B4GALT1: variants seen among roughly 807,000 people sequenced by gnomAD.
The protein encoded by B4GALT1 is beta-1,4-galactosyltransferase 1, also known as N-acetyllactosamine synthase.
Under a neutral mutation model 34.9 loss-of-function variants are expected in B4GALT1, and 16 were observed. The observed-to-expected ratio is 0.46, with a 90% CI of 0.31 to 0.70. The LOEUF (loss-of-function observed/expected upper bound fraction) is 0.70. Among genes scored for constraint, B4GALT1 ranks in the 30% least tolerant of loss-of-function variants. The pLI is 0.05. For synonymous variants in B4GALT1, 221 were observed against 218.1 expected, an observed-to-expected ratio of 1.01 and a Z score of -0.12; for missense variants, 445 against 530.5, an observed-to-expected ratio of 0.84 and a Z score of 1.58.
chr9:33,113,673 T>C, intron 5 of B4GALT1, 87 bp from the exon 6 acceptor site: 1 of 1,609,060 alleles, frequency 6.2e-7, no homozygotes, highest in Non-Finnish European at 8.5e-7. Flanking sequence ...CCCTCTCCAC[T>C]GTAACCTGAC....
At chr9:33,181,295 G>A in the B4GALT1 span, among the ~76,000 whole-genome samples, 18 of 152,132 alleles carry the variant, frequency 1.2e-4, no homozygotes, top group Middle Eastern at 0.01. Flanking sequence ...GTGGTGGTAT[G>A]TGTCTGTAGT....
chr9:33,113,741 G>C (rs1266591179), intron 5 of B4GALT1, 33 bp downstream of exon 5: 4 of 1,612,492 alleles, frequency 2.5e-6, no homozygotes, highest in East Asian at 2.2e-5. Flanking sequence ...TCATCCTAAA[G>C]GGGGAAGGAG....
intron 3 of B4GALT1, among the ~76,000 whole-genome samples, chr9:33,116,665 G>A (rs1839944532): frequency 6.6e-6 from 1 of 151,838 alleles, no homozygotes; most frequent in African/African-American, 2.4e-5. Context: ...TGGGACTACA[G>A]GCGTGTGCCA....
intron 3 of B4GALT1, among the ~76,000 whole-genome samples, chr9:33,118,984 C>T (rs1254776518): frequency 6.6e-6 from 1 of 152,118 alleles, no homozygotes; most frequent in Non-Finnish European, 1.5e-5. Context: ...GCCTCAGCTT[C>T]CCGAGTAGCT....
At chr9:33,162,647 C>T (rs1840690702) in intron 1 of B4GALT1, among the ~76,000 whole-genome samples, 1 of 152,220 alleles carries the variant, frequency 6.6e-6, no homozygotes, top group Non-Finnish European at 1.5e-5. Context: ...AGGAAGAGCA[C>T]TAGACAATCC....
At chr9:33,152,513 G>C (rs1488682381) in intron 1 of B4GALT1, among the ~76,000 whole-genome samples, 1 of 150,020 alleles carries the variant, frequency 6.7e-6, no homozygotes. Flanking sequence ...TAGAAAAATG[G>C]GTTAAAAGAA....
At chr9:33,105,436 G>T (rs116963919) in intron 2 of B4GALT1, among the ~76,000 whole-genome samples, 1 of 152,102 alleles carries the variant, frequency 6.6e-6, no homozygotes, top group Non-Finnish European at 1.5e-5. Flanking sequence ...CCACCAAGCC[G>T]GCCCATTTTA....
upstream of B4GALT1, chr9:33,167,428 A>C (rs1433192497): frequency 1.4e-5 from 2 of 141,982 alleles, no homozygotes; most frequent in East Asian, 2.0e-4. Context: ...TTTCTGGACG[A>C]GGGCGGGAAG....
At chr9:33,148,479 C>T (rs771971435) in intron 1 of B4GALT1, among the ~76,000 whole-genome samples, 26 of 152,134 alleles carry the variant, frequency 1.7e-4, no homozygotes, top group Admixed American at 4.6e-4. Context: ...ATAAAGGAAA[C>T]GTTTAAGGAT....
chr9:33,150,559 A>T (rs1354011615), intron 1 of B4GALT1, among the ~76,000 whole-genome samples: 1 of 152,196 alleles, frequency 6.6e-6, no homozygotes, highest in Non-Finnish European at 1.5e-5. Context: ...AATGAAGAAT[A>T]GATCAGTGGT....
intron 2 of B4GALT1, among the ~76,000 whole-genome samples, chr9:33,122,316 G>A (rs1587730853): frequency 6.6e-6 from 1 of 152,008 alleles, no homozygotes; most frequent in Non-Finnish European, 1.5e-5. Flanking sequence ...CTAGGAGCTC[G>A]AGACCAGCCT....
At chr9:33,180,539 T>C in the B4GALT1 span, among the ~76,000 whole-genome samples, 3 of 152,222 alleles carry the variant, frequency 2.0e-5, no homozygotes, top group Non-Finnish European at 4.4e-5. Flanking sequence ...AGTTTTTGAC[T>C]ATTAAAACAG....
chr9:33,161,080 C>T (rs1012904469), intron 1 of B4GALT1, among the ~76,000 whole-genome samples: 8 of 152,008 alleles, frequency 5.3e-5, no homozygotes, highest in African/African-American at 1.9e-4. Context: ...GGAGAAGCAG[C>T]GGGTGTGGGG....
At chr9:33,121,465 C>T (rs915859464) in intron 2 of B4GALT1, among the ~76,000 whole-genome samples, 4 of 151,642 alleles carry the variant, frequency 2.6e-5, no homozygotes, top group Non-Finnish European at 5.9e-5. Context: ...AGGATTCAAG[C>T]GATTCTCCTG....
chr9:33,150,253 C>CACAT (rs1179560012), intron 1 of B4GALT1, among the ~76,000 whole-genome samples: 1 of 150,416 alleles, frequency 6.6e-6, no homozygotes, highest in Non-Finnish European at 1.5e-5. Context: ...CACACACACA[C>CACAT]ACACACACAC....
chr9:33,125,097 G>C, intron 2 of B4GALT1, among the ~76,000 whole-genome samples: 1 of 152,190 alleles, frequency 6.6e-6, no homozygotes, highest in East Asian at 1.9e-4. Flanking sequence ...GCCCCCAAAA[G>C]AAAGGCCAGA....
At chr9:33,146,754 T>G (rs1351636922) in intron 1 of B4GALT1, among the ~76,000 whole-genome samples, 1 of 151,664 alleles carries the variant, frequency 6.6e-6, no homozygotes, top group Non-Finnish European at 1.5e-5. Flanking sequence ...AGTGCAGTGG[T>G]GCAATTTCAG....
intron 1 of B4GALT1, among the ~76,000 whole-genome samples, chr9:33,162,919 C>T (rs1840694012): frequency 1.3e-5 from 2 of 152,218 alleles, no homozygotes; most frequent in Admixed American, 6.5e-5. Context: ...ATTTCTCAAT[C>T]TCAGACTGTT....
At chr9:33,160,252 A>T (rs1840655263) in intron 1 of B4GALT1, among the ~76,000 whole-genome samples, 1 of 152,208 alleles carries the variant, frequency 6.6e-6, no homozygotes, top group African/African-American at 2.4e-5. Flanking sequence ...GCATCACTAC[A>T]TCACTAAGAA....
Sources: allele counts gnomAD v4.1 joint callset (sites outside exome capture counted in the v4.1 genomes callset), GRCh38; gene constraint gnomAD v4.1.1; transcripts MANE v1.5; gene names NCBI Gene and HGNC (gene_info 2026-07-23, HGNC 2026-07-21).